The following ZNF469 variants were observed in gnomAD, a reference collection of about 807,000 sequenced individuals.
ZNF469 encodes zinc finger protein 469.
A neutral mutation model predicts 1.0 loss-of-function variants in ZNF469; 1 was observed. That is an observed-to-expected ratio of 1.00 (90% CI 0.35 to 4.73). The LOEUF is 4.73. ZNF469 is among the 30% of genes most tolerant of loss of function. The pLI is 0.16. For missense variants in ZNF469, 6,100 were observed against 5,356.3 expected, an observed-to-expected ratio of 1.14 and a Z score of -4.33; for synonymous variants, 2,703 against 2,363.4, an observed-to-expected ratio of 1.14 and a Z score of -4.17.
chr16:88,137,071 A>G, the ZNF469 span, among the ~76,000 whole-genome samples: 1 of 152,116 alleles, frequency 6.6e-6, no homozygotes, highest in African/African-American at 2.4e-5. Flanking sequence ...CCACCACACA[A>G]GCACCATGTG....
rs748097865 is a variant in ZNF469, at chr16:88,434,316, C to T, written c.6846C>T (p.Ala2282=). ...CAGGGGCCGTCTCCCCCAGCGTGGC[C>T]GTCAGGGCTACTGGCCTGTCCAGCA... ...PLAGAVSPSV[A]VRATGLSSTP... is the part of the protein sequence containing the mutation. Residue 2282 remains alanine, a synonymous_variant, in exon 3 of 3, where the codon GCC becomes GCT. Coordinates refer to ENST00000565624, the MANE Select transcript of ZNF469 (RefSeq NM_001367624.2). 2.1e-5 allele frequency: 32 copies of T among 1,550,324 alleles called. No individual in the cohort carries two copies. The highest frequency in any genetic ancestry group is 1.2e-4 in the Admixed American group (6 of 51,008).
chr16:88,255,892 C>G, the ZNF469 span, among the ~76,000 whole-genome samples: 1 of 152,150 alleles, frequency 6.6e-6, no homozygotes, highest in Non-Finnish European at 1.5e-5. Context: ...TGGCATGTCT[C>G]TGGTTACGGA....
the ZNF469 span, among the ~76,000 whole-genome samples, chr16:88,287,713 G>T: frequency 2.0e-5 from 3 of 152,058 alleles, no homozygotes; most frequent in African/African-American, 7.2e-5. Flanking sequence ...TCTTCATGTT[G>T]CTATGAATGC....
the ZNF469 span, among the ~76,000 whole-genome samples, chr16:88,196,294 G>A: frequency 6.6e-6 from 1 of 152,222 alleles, no homozygotes; most frequent in Non-Finnish European, 1.5e-5. Flanking sequence ...CAAGGAGAGA[G>A]GTGGCCTGGG....
the ZNF469 span, among the ~76,000 whole-genome samples, chr16:88,345,801 T>C: frequency 1.3e-5 from 2 of 152,146 alleles, no homozygotes; most frequent in South Asian, 2.1e-4. Flanking sequence ...CAGCTTTTCA[T>C]AGGGGAGAAT....
At chr16:88,264,591 C>T in the ZNF469 span, among the ~76,000 whole-genome samples, 1 of 151,518 alleles carries the variant, frequency 6.6e-6, no homozygotes, top group Non-Finnish European at 1.5e-5. Context: ...CTCCTCCCCC[C>T]TCATCCCAGC....
At chr16:88,408,803 G>A (rs1905076133) in intron 1 of ZNF469, among the ~76,000 whole-genome samples, 1 of 152,244 alleles carries the variant, frequency 6.6e-6, no homozygotes, top group Non-Finnish European at 1.5e-5. Context: ...GGCACCCAAT[G>A]CACCATTGAA....
chr16:88,161,405 A>G, the ZNF469 span, among the ~76,000 whole-genome samples: 2 of 152,202 alleles, frequency 1.3e-5, no homozygotes, highest in Non-Finnish European at 2.9e-5. Context: ...ATCTATTCCC[A>G]ACACAGTAGA....
chr16:88,391,365 TG>T lies in ZNF469; in HGVS notation c.-192+8112del, dbSNP rs1414929010. On this transcript the variant is annotated intron_variant, in intron 1 of 2. Transcript: ENST00000565624. ...CCAGGACAGTTGCTCCATGTGACTG[TG>T]CTTGGCTGGCTGCGTTCCCCAGGTC... Among the ~76,000 whole-genome samples the T allele has an allele frequency of 5.9e-5, 9 of 152,376 alleles. No individual in the cohort carries two copies. In the East Asian group the frequency reaches 1.3e-3, roughly 23 times the overall value.
At chr16:88,273,759 C>T in the ZNF469 span, among the ~76,000 whole-genome samples, 6 of 151,482 alleles carry the variant, frequency 4.0e-5, no homozygotes, top group African/African-American at 1.5e-4. Context: ...TGTCCGTGGA[C>T]AGGTGAATGG....
chr16:88,105,879 A>G, the ZNF469 span, among the ~76,000 whole-genome samples: 1 of 152,222 alleles, frequency 6.6e-6, no homozygotes, highest in Admixed American at 6.5e-5. Flanking sequence ...GGGTGGCCAC[A>G]CCCAGGAAGC....
chr16:88,102,457 G>C, the ZNF469 span, among the ~76,000 whole-genome samples: 1 of 152,236 alleles, frequency 6.6e-6, no homozygotes, highest in South Asian at 2.1e-4. Context: ...AGCCGAGATT[G>C]CACCATTGCA....
the ZNF469 span, among the ~76,000 whole-genome samples, chr16:88,219,905 C>T: frequency 1.2e-3 from 183 of 152,282 alleles, no homozygotes; most frequent in African/African-American, 4.2e-3. Context: ...CCTGCCTGTG[C>T]CCACAACTGG....
the ZNF469 span, among the ~76,000 whole-genome samples, chr16:88,179,431 G>A: frequency 4.8e-4 from 73 of 152,314 alleles, no homozygotes; most frequent in Non-Finnish European, 1.0e-3. Context: ...AGGAGCAGCC[G>A]GAGGCCCCAC....
chr16:88,302,029 T>A, the ZNF469 span, among the ~76,000 whole-genome samples: 1 of 152,160 alleles, frequency 6.6e-6, no homozygotes, highest in Non-Finnish European at 1.5e-5. Flanking sequence ...AGCTCCACCA[T>A]GGCAGGGCTG....
chr16:88,274,157 G>T, the ZNF469 span, among the ~76,000 whole-genome samples: 1 of 152,198 alleles, frequency 6.6e-6, no homozygotes, highest in Non-Finnish European at 1.5e-5. Context: ...TGCATGGACG[G>T]ACCCTGAGGA....
At chr16:88,359,380 A>G in the ZNF469 span, among the ~76,000 whole-genome samples, 8 of 150,974 alleles carry the variant, frequency 5.3e-5, no homozygotes, top group African/African-American at 2.0e-4. Flanking sequence ...CGCATTTGCT[A>G]TTGTCTGCTT....
chr16:88,252,341 T>G, the ZNF469 span, among the ~76,000 whole-genome samples: 3 of 150,950 alleles, frequency 2.0e-5, no homozygotes, highest in African/African-American at 7.3e-5. Flanking sequence ...TGTATGTATA[T>G]ACTCCACACC....
chr16:88,259,167 GAGGCCGTGCGGCC>G, the ZNF469 span, among the ~76,000 whole-genome samples: 1 of 152,362 alleles, frequency 6.6e-6, no homozygotes, highest in East Asian at 1.9e-4. The surrounding 1 kb of genome is among the most constrained non-coding windows in gnomAD (Gnocchi z 4.1). Flanking sequence ...TCGCAGGAAT[GAGGCCGTGCGGCC>G]AGGCCTCGCG....
Sources: gnomAD v4.1 joint callset for allele counts (sites outside exome capture counted in the v4.1 genomes callset) on GRCh38, gnomAD v4.1.1 for gene constraint, Gnocchi (gnomAD v3.1) non-coding constraint, MANE v1.5 for transcripts, NCBI Gene and HGNC (gene_info 2026-07-23, HGNC 2026-07-21) for gene names.